Variants in CARMIL1 observed in about 807,000 individuals in gnomAD.
CARMIL1 encodes the protein F-actin-uncapping protein LRRC16A.
CARMIL1 carries 90 observed loss-of-function variants against 177.1 expected under a neutral mutation model. The observed-to-expected ratio is 0.51, with a 90% confidence interval of 0.43 to 0.61. The LOEUF (loss-of-function observed/expected upper bound fraction) is 0.61. Among genes scored for constraint, CARMIL1 ranks in the 20% least tolerant of loss-of-function variants. The probability of loss-of-function intolerance (pLI) is 0.00; values close to 1 mark genes in which losing one functional copy is unlikely to be tolerated. For synonymous variants in CARMIL1, 577 were observed against 606.2 expected, an observed-to-expected ratio of 0.95 and a Z score of 0.71; for missense variants, 1,380 against 1,667.0, an observed-to-expected ratio of 0.83 and a Z score of 3.00.
chr6:25,365,794 G>A (rs1382595822), intron 2 of CARMIL1, among the ~76,000 whole-genome samples: 1 of 152,120 alleles, frequency 6.6e-6, no homozygotes, highest in African/African-American at 2.4e-5. Context: ...CAAGCGATCC[G>A]CCTGTTTTGG....
intron 22 of CARMIL1, among the ~76,000 whole-genome samples, chr6:25,519,871 A>G (rs1013389426): frequency 1.3e-5 from 2 of 152,156 alleles, no homozygotes; most frequent in African/African-American, 4.8e-5. Flanking sequence ...AGTCAGATCT[A>G]TTGGTTACTA....
intron 4 of CARMIL1, among the ~76,000 whole-genome samples, chr6:25,428,826 C>T (rs769929143): frequency 7.9e-5 from 12 of 152,034 alleles, no homozygotes; most frequent in Non-Finnish European, 1.8e-4. Flanking sequence ...TTTCAGTTGT[C>T]TCTTGCTGGT....
At chr6:25,280,413 C>A (rs1412514866) in intron 1 of CARMIL1, among the ~76,000 whole-genome samples, 1 of 152,084 alleles carries the variant, frequency 6.6e-6, no homozygotes, top group Non-Finnish European at 1.5e-5. Context: ...GTGTAGCCAG[C>A]TGGGAGCGAA....
intron 11 of CARMIL1, among the ~76,000 whole-genome samples, chr6:25,480,596 G>T (rs1801999924): frequency 6.7e-6 from 1 of 148,752 alleles, no homozygotes; most frequent in Admixed American, 6.7e-5. Context: ...TCTTTGACTT[G>T]TAATTTGAGT....
chr6:25,500,322 T>G lies in CARMIL1; in HGVS notation c.1395+87T>G, dbSNP rs919738737. On this transcript the variant is annotated intron_variant, in intron 17 of 36. Coordinates refer to ENST00000329474, the MANE Select transcript of CARMIL1 (RefSeq NM_017640.6). ...CCTGGATAAAATTTGATACTGTGAT[T>G]CCACAGGGTGTAAATGAAGCAGAAA... 34 of 1,092,564 alleles carry G rather than the reference T, an allele frequency of 3.1e-5. 1 individual carries two copies. The Middle Eastern group carries it at 2.2e-3, about 71-fold the overall frequency. 67.7% of individuals were successfully genotyped at this position (1,092,564 alleles called of 1,614,324 possible).
At chr6:25,492,540 A>G (rs1234471476) in intron 15 of CARMIL1, among the ~76,000 whole-genome samples, 1 of 152,238 alleles carries the variant, frequency 6.6e-6, no homozygotes, top group Non-Finnish European at 1.5e-5. Context: ...CTTAGAATGC[A>G]AAGAGACTGC....
chr6:25,476,306 G>A (rs758412521), intron 11 of CARMIL1, among the ~76,000 whole-genome samples: 15 of 152,074 alleles, frequency 9.9e-5, no homozygotes, highest in Admixed American at 3.9e-4. Flanking sequence ...ATCATTCCAA[G>A]GATAGCCTTG....
chr6:25,320,558 A>G (rs998970368), intron 2 of CARMIL1, among the ~76,000 whole-genome samples: 1 of 152,116 alleles, frequency 6.6e-6, no homozygotes, highest in African/African-American at 2.4e-5. Context: ...TCCACCCTCT[A>G]CCCCTAACAA....
In CARMIL1 at chr6:25,490,743, AAATAAAT is replaced by A. The variant is rs1043608824; in HGVS notation, c.1066-986_1066-980del. The stretch of plus-strand genomic sequence containing the variant: ...TAAATAAATAAATAAATAAATAAAT[AAATAAAT>A]AAAAAAAAATAAATGTCATTCTGTG... On this transcript the variant is annotated intron_variant, in intron 13 of 36. Coordinates refer to ENST00000329474, the MANE Select transcript of CARMIL1 (RefSeq NM_017640.6). Among the ~76,000 whole-genome samples, 570 of 72,700 alleles carry A rather than the reference AAATAAAT, an allele frequency of 7.8e-3. 3 individuals carry two copies. The highest frequency in any genetic ancestry group is 0.01 in the Non-Finnish European group (376 of 36,302). 47.7% of individuals were successfully genotyped at this position (72,700 alleles called of 152,430 possible).
intron 23 of CARMIL1, among the ~76,000 whole-genome samples, chr6:25,526,188 AATAAAT>A (rs1807102523): frequency 6.6e-6 from 1 of 150,966 alleles, no homozygotes; most frequent in Non-Finnish European, 1.5e-5. Context: ...TAAATAAATA[AATAAAT>A]AAGCCAGGCG....
chr6:25,407,820 G>T (rs1241714724), intron 2 of CARMIL1, among the ~76,000 whole-genome samples: 1 of 152,220 alleles, frequency 6.6e-6, no homozygotes, highest in Non-Finnish European at 1.5e-5. Context: ...GCAATAAACA[G>T]GGTAGTGGTA....
At position 25,563,219 on chromosome 6, in the gene CARMIL1, A is replaced by C. The variant is rs1448027521; in HGVS notation, c.2742+6369A>C. ...TCCCTTAGAAACCTCATGCTTTTCA[A>C]CATGCCATGATGACATTTGCATCAA... On this transcript the variant is annotated intron_variant, in intron 29 of 36. Coordinates refer to ENST00000329474, the MANE Select transcript of CARMIL1 (RefSeq NM_017640.6). 3.0e-6 allele frequency: 3 copies of C among 985,252 alleles called. No individual in the cohort carries two copies. In the African/African-American group the frequency reaches 5.2e-5, roughly 17 times the overall value. 61.0% of individuals were successfully genotyped at this position (985,252 alleles called of 1,614,324 possible). A position where few individuals can be genotyped will look rare whatever the true frequency, so the allele number is the denominator to read the frequency against.
intron 3 of CARMIL1, 152 bp downstream of exon 3, chr6:25,420,316 T>A: frequency 2.7e-6 from 2 of 742,746 alleles, no homozygotes; most frequent in Non-Finnish European, 4.6e-6. Flanking sequence ...ACTTTTGATT[T>A]AAGCTGTGTT....
At chr6:25,303,238 C>T (rs190334959) in intron 2 of CARMIL1, among the ~76,000 whole-genome samples, 2 of 151,712 alleles carry the variant, frequency 1.3e-5, no homozygotes, top group African/African-American at 4.8e-5. Context: ...AATTATAATG[C>T]GTGATTTTAT....
chr6:25,336,239 C>G (rs1444846447), intron 2 of CARMIL1, among the ~76,000 whole-genome samples: 1 of 152,160 alleles, frequency 6.6e-6, no homozygotes, highest in African/African-American at 2.4e-5. Flanking sequence ...TTAGGAACTA[C>G]TTGCTGTCTT....
chr6:25,315,517 C>T (rs551934907), intron 2 of CARMIL1, among the ~76,000 whole-genome samples: 1 of 152,240 alleles, frequency 6.6e-6, no homozygotes, highest in Non-Finnish European at 1.5e-5. Flanking sequence ...CACTGGCTCT[C>T]CACAGCCTCC....
intron 17 of CARMIL1, among the ~76,000 whole-genome samples, chr6:25,508,633 CTAGACA>C (rs1337526143): frequency 6.6e-6 from 1 of 152,142 alleles, no homozygotes; most frequent in African/African-American, 2.4e-5. Context: ...ACATCAAAAC[CTAGACA>C]TGTGGAAAAT....
At chr6:25,546,349 G>T (rs1261628136) in intron 26 of CARMIL1, among the ~76,000 whole-genome samples, 3 of 152,096 alleles carry the variant, frequency 2.0e-5, no homozygotes, top group Non-Finnish European at 4.4e-5. Flanking sequence ...AAACCCAAAA[G>T]AATCTGCAGG....
chr6:25,279,575 T>TAGC lies in CARMIL1; in HGVS notation c.-210_-208dup, dbSNP rs1554148008. 5 of 594,208 alleles carry TAGC rather than the reference T, an allele frequency of 8.4e-6. No individual in the cohort carries two copies. Among genetic ancestry groups the TAGC allele is most frequent in the Admixed American group, 2.9e-5 (1 of 35,062 alleles). 36.8% of individuals were successfully genotyped at this position (594,208 alleles called of 1,614,324 possible). A position where few individuals can be genotyped will look rare whatever the true frequency, so the allele number is the denominator to read the frequency against. On this transcript the variant is annotated 5_prime_UTR_variant, in exon 1 of 37. Transcript: ENST00000329474. ...CCGGGAACTGCGAGGAGGCGTCATG[T>TAGC]AGCAGCAGCAGCAAATCCGCCTCGC...
Sources: gnomAD v4.1 joint callset for allele counts (sites outside exome capture counted in the v4.1 genomes callset) on GRCh38, gnomAD v4.1.1 for gene constraint, MANE v1.5 for transcripts, NCBI Gene and HGNC (gene_info 2026-07-23, HGNC 2026-07-21) for gene names.